The following DLC1 variants were observed in gnomAD, a reference collection of about 807,000 sequenced individuals.
DLC1 encodes rho GTPase-activating protein 7.
In DLC1, 54 loss-of-function variants were observed where a neutral mutation model predicts 140.3. That is an observed-to-expected ratio of 0.38 (90% CI 0.31 to 0.48). The LOEUF is 0.48. Among genes scored for constraint, DLC1 ranks in the 20% least tolerant of loss-of-function variants. The pLI is 0.96. For synonymous variants in DLC1, 986 were observed against 728.1 expected, an observed-to-expected ratio of 1.35 and a Z score of -5.70; for missense variants, 2,536 against 1,907.0, an observed-to-expected ratio of 1.33 and a Z score of -6.14.
intron 5 of DLC1, among the ~76,000 whole-genome samples, chr8:13,235,986 A>T (rs200667698): frequency 6.9e-3 from 48 of 6,974 alleles, no homozygotes; most frequent in Admixed American, 0.024. Context: ...AGTGAAATTT[A>T]AAAAAAAAAC....
chr8:13,542,217 C>T (rs575800262), intron 1 of DLC1, among the ~76,000 whole-genome samples: 1 of 152,044 alleles, frequency 6.6e-6, no homozygotes, highest in Non-Finnish European at 1.5e-5. Context: ...GGCCTGTGTT[C>T]TATTTAGAGA....
At chr8:13,208,543 G>C (rs1034704518) in intron 5 of DLC1, among the ~76,000 whole-genome samples, 1 of 152,010 alleles carries the variant, frequency 6.6e-6, no homozygotes, top group African/African-American at 2.4e-5. Flanking sequence ...CCTTTCTTTG[G>C]TGCAGGGTTT....
intron 5 of DLC1, among the ~76,000 whole-genome samples, chr8:13,162,469 C>T (rs1333242442): frequency 2.6e-5 from 4 of 152,124 alleles, no homozygotes; most frequent in Non-Finnish European, 4.4e-5. Flanking sequence ...ATTACAGGTG[C>T]CTGCCACCAA....
chr8:13,122,086 G>GC (rs1821130486), intron 5 of DLC1, among the ~76,000 whole-genome samples: 1 of 151,926 alleles, frequency 6.6e-6, no homozygotes, highest in Admixed American at 6.6e-5. Context: ...ACCCCTCCCT[G>GC]CCCCCAACAA....
At chr8:13,305,381 A>G in intron 4 of DLC1, 79 bp from the exon 5 acceptor site, 1 of 1,424,054 alleles carries the variant, frequency 7.0e-7, no homozygotes, top group South Asian at 1.5e-5. Context: ...AACGAAGTGT[A>G]ATTAATGACG....
intron 5 of DLC1, among the ~76,000 whole-genome samples, chr8:13,226,007 G>A (rs1261881099): frequency 1.3e-5 from 2 of 152,004 alleles, no homozygotes; most frequent in Non-Finnish European, 2.9e-5. Context: ...TGAACTCCAG[G>A]GCTCAATTGA....
intron 5 of DLC1, among the ~76,000 whole-genome samples, chr8:13,244,098 T>G (rs934357911): frequency 6.6e-6 from 1 of 152,144 alleles, no homozygotes; most frequent in Non-Finnish European, 1.5e-5. Flanking sequence ...ACTTGAGTAA[T>G]CCCCAGGCAC....
intron 5 of DLC1, among the ~76,000 whole-genome samples, chr8:13,254,832 A>C (rs1359134991): frequency 6.6e-6 from 1 of 152,212 alleles, no homozygotes; most frequent in African/African-American, 2.4e-5. Flanking sequence ...ATTTAACAAA[A>C]TATTTAGTTT....
chr8:13,580,135 T>G (rs895235276), intron 1 of DLC1, among the ~76,000 whole-genome samples: 1 of 152,084 alleles, frequency 6.6e-6, no homozygotes, highest in African/African-American at 2.4e-5. Context: ...ATTTTTTTAT[T>G]TTTTTGAGAC....
At chr8:13,301,784 C>T (rs1311429901) in intron 5 of DLC1, among the ~76,000 whole-genome samples, 2 of 152,100 alleles carry the variant, frequency 1.3e-5, no homozygotes, top group East Asian at 1.9e-4. Context: ...GTGAGATCAG[C>T]GGCAGCATTA....
At chr8:13,325,702 T>C (rs763399357) in intron 4 of DLC1, among the ~76,000 whole-genome samples, 24 of 152,334 alleles carry the variant, frequency 1.6e-4, no homozygotes, top group Middle Eastern at 3.4e-3. Context: ...ACGTTCGGCA[T>C]TATCACTGAT....
chr8:13,356,907 T>TA (rs1834965539), intron 4 of DLC1, among the ~76,000 whole-genome samples: 1 of 152,008 alleles, frequency 6.6e-6, no homozygotes, highest in African/African-American at 2.4e-5. Flanking sequence ...CTTAAGATGT[T>TA]AGTGTTAGGG....
At chr8:13,497,564 T>C (rs185308615) in intron 2 of DLC1, among the ~76,000 whole-genome samples, 7 of 152,332 alleles carry the variant, frequency 4.6e-5, no homozygotes, top group Admixed American at 3.3e-4. Flanking sequence ...GAGTAAATTC[T>C]TTCCAGCATT....
At chr8:13,107,766 T>A (rs1819690348) in intron 7 of DLC1, among the ~76,000 whole-genome samples, 1 of 152,196 alleles carries the variant, frequency 6.6e-6, no homozygotes, top group Admixed American at 6.5e-5. Flanking sequence ...TAAAGAAAGT[T>A]GCTGGCTGGT....
At chr8:13,541,867 G>A (rs916990977) in intron 1 of DLC1, among the ~76,000 whole-genome samples, 1 of 152,104 alleles carries the variant, frequency 6.6e-6, no homozygotes, top group African/African-American at 2.4e-5. Context: ...TGAAGTTTAT[G>A]TATATTCTTT....
intron 5 of DLC1, among the ~76,000 whole-genome samples, chr8:13,286,704 C>A: frequency 7.0e-6 from 1 of 142,584 alleles, no homozygotes; most frequent in Non-Finnish European, 1.5e-5. Context: ...CTTTTCTTAA[C>A]TATTTTGAAA....
chr8:13,312,461 C>T (rs558387686), intron 4 of DLC1, among the ~76,000 whole-genome samples: 5 of 147,368 alleles, frequency 3.4e-5, no homozygotes, highest in Non-Finnish European at 6.0e-5. Context: ...TCTTCTCTGT[C>T]TTTATTGAAT....
intron 3 of DLC1, among the ~76,000 whole-genome samples, chr8:13,394,232 G>T (rs1055850229): frequency 6.6e-6 from 1 of 152,194 alleles, no homozygotes; most frequent in Non-Finnish European, 1.5e-5. Context: ...CTAATAAACT[G>T]AGGGCAGGAA....
intron 1 of DLC1, chr8:13,567,472 A>C (rs983453912): frequency 1.3e-6 from 2 of 1,552,106 alleles, no homozygotes. Context: ...GGCTTCAGAG[A>C]GAGATGCCTT....
Sources: gnomAD v4.1 joint callset for allele counts (sites outside exome capture counted in the v4.1 genomes callset) on GRCh38, gnomAD v4.1.1 for gene constraint, MANE v1.5 for transcripts, NCBI Gene and HGNC (gene_info 2026-07-23, HGNC 2026-07-21) for gene names.